Variants in PIDD1 observed in about 807,000 individuals in gnomAD.
The protein encoded by PIDD1 is p53-induced death domain-containing protein 1.
Under a neutral mutation model 80.0 loss-of-function variants are expected in PIDD1, and 72 were observed. The ratio of observed to expected loss-of-function variants is 0.90; its 90% CI spans 0.74 to 1.09. The LOEUF is 1.09. Among genes scored for constraint, PIDD1 ranks in the 50% least tolerant of loss-of-function variants. The pLI is 0.00. For synonymous variants in PIDD1, 655 were observed against 543.5 expected, an observed-to-expected ratio of 1.21 and a Z score of -2.85; for missense variants, 1,329 against 1,228.3, an observed-to-expected ratio of 1.08 and a Z score of -1.23.
chr11:800,943 C>T (rs767431908), intron 10 of PIDD1, 31 bp from the exon 11 acceptor site: 13 of 1,596,724 alleles, frequency 8.1e-6, no homozygotes, highest in African/African-American at 4.0e-5. Flanking sequence ...GAGGGCTGTA[C>T]AGACTGGGGG....
In PIDD1 at chr11:799,537, T is replaced by C. The variant is rs758394277; in HGVS notation, c.2503A>G (p.Met835Val). The C allele has an allele frequency of 1.9e-6, 3 of 1,603,058 alleles. No individual in the cohort carries two copies. Among genetic ancestry groups the C allele is most frequent in the East Asian group, 2.2e-5 (1 of 44,864 alleles). ...RDDLDEQIRH[M>V]LFSWAERQAG... ...TGGCGCTCAGCCCAGGAGAAGAGCA[T>C]GTGACGGATCTGCTCATCCAGATCA... Residue 835 changes from methionine (M) to valine (V), a missense_variant, in exon 16 of 16, where the codon ATG (methionine) becomes GTG (valine). Coordinates refer to ENST00000347755, the MANE Select transcript of PIDD1 (RefSeq NM_145886.4).
intron 1 of PIDD1, 35 bp from the exon 2 acceptor site, chr11:804,498 G>C: frequency 6.9e-7 from 1 of 1,452,742 alleles, no homozygotes; most frequent in Admixed American, 2.7e-5. Context: ...GCGGGAGCCG[G>C]GGTGGGCCCT....
Position 799,816 on chromosome 11 carries a change from G to A in PIDD1, c.2473C>T (p.Arg825Trp), listed in dbSNP as rs1385272293. The A allele has an allele frequency of 1.3e-5, 20 of 1,571,544 alleles. No individual in the cohort carries two copies. The highest frequency in any genetic ancestry group is 2.3e-5 in the South Asian group (2 of 87,000). ...REVQRIRHEF[R>W]DDLDEQIRHM... is the part of the protein sequence containing the mutation. The stretch of plus-strand genomic sequence containing the variant: ...GCCAGCGGGCAGTGGGAGCCTCACC[G>A]GAACTCGTGCCGGATGCGCTGCACC... Residue 825 changes from arginine to tryptophan, a missense_variant and splice_region_variant, in exon 15 of 16, where the codon CGG becomes TGG. Physicochemically the swap from Arg to Trp is moderately radical, Grantham distance 101. Transcript: ENST00000347755.
upstream of PIDD1, chr11:809,301 C>T (rs1381199831): frequency 6.6e-6 from 1 of 152,296 alleles, no homozygotes; most frequent in Non-Finnish European, 1.5e-5. Context: ...ACGTCATTGT[C>T]CTGCCCTCCA....
At position 801,359 on chromosome 11, in the gene PIDD1, G is replaced by A. The variant is rs369252804; in HGVS notation, c.1489C>T (p.Arg497Cys). The A allele has an allele frequency of 1.3e-4, 206 of 1,608,856 alleles. No individual in the cohort carries two copies. The highest frequency in any genetic ancestry group is 1.6e-4 in the Non-Finnish European group (187 of 1,177,954). The part of the protein sequence containing the change: ...EPRRVSMQVV[R>C]MAGRELQALL... ...GCCTGCAGCTCTCGGCCAGCCATGC[G>A]CACCACCTGGGGCAGACAGGCCCCC... Residue 497 changes from arginine (R) to cysteine (C), a missense_variant, in exon 9 of 16, where the codon CGC becomes TGC. By Grantham distance (180) the Arg-to-Cys change is radical. Coordinates refer to ENST00000347755, the MANE Select transcript of PIDD1 (RefSeq NM_145886.4).
At chr11:807,544 G>A (rs1423546600), upstream of PIDD1, among the ~76,000 whole-genome samples, 9 of 152,002 alleles carry the variant, frequency 5.9e-5, no homozygotes, top group African/African-American at 1.2e-4. Context: ...TTGGGAGGCC[G>A]AGGAGGGTAG....
rs1554969641 is a variant in PIDD1 at position 801,631 on chromosome 11, T to TA, written c.1303-8_1303-7insT. 3 of 1,548,034 alleles carry TA rather than the reference T, an allele frequency of 1.9e-6. No individual in the cohort carries two copies. The highest frequency in any genetic ancestry group is 2.6e-6 in the Non-Finnish European group (3 of 1,145,622). Reference sequence around the variant, plus strand: ...GGCAGTGAGCCCAGAGCCGCTGGGATGGGGGAGAGAGGAGGTCACAGGAGC... The same window carrying TA: ...GGCAGTGAGCCCAGAGCCGCTGGGATAGGGGGAGAGAGGAGGTCACAGGAGC... On this transcript the variant is annotated splice_region_variant and splice_polypyrimidine_tract_variant and intron_variant, in intron 7 of 15. Coordinates refer to ENST00000347755, the MANE Select transcript of PIDD1 (RefSeq NM_145886.4).
chr11:802,397 C>G lies in PIDD1; in HGVS notation c.975-1G>C. The G allele has an allele frequency of 1.2e-6, 2 of 1,611,898 alleles. No homozygotes were observed. Among genetic ancestry groups the G allele is most frequent in the South Asian group, 1.1e-5 (1 of 91,054 alleles). ...GCAGCCTTGAGGGGTCACAGGAAAGCTGAGTGAGGAAGGAGCGAGCAACAG... is the reference window on the plus strand; with the variant it reads ...GCAGCCTTGAGGGGTCACAGGAAAGGTGAGTGAGGAAGGAGCGAGCAACAG... On this transcript the variant is annotated splice_acceptor_variant, in intron 5 of 15. Coordinates refer to ENST00000347755, the MANE Select transcript of PIDD1 (RefSeq NM_145886.4). LOFTEE classifies it high-confidence loss of function.
upstream of PIDD1, among the ~76,000 whole-genome samples, chr11:806,491 C>T (rs1865778466): frequency 6.6e-6 from 1 of 152,178 alleles, no homozygotes; most frequent in South Asian, 2.1e-4. Context: ...TTCCCAGCTA[C>T]CACCATCCCT....
rs1865586905 is a variant in PIDD1, at chr11:803,970, A to G, written c.295+124T>C. 3 of 1,074,518 alleles carry G rather than the reference A, an allele frequency of 2.8e-6. No homozygotes were observed. In the South Asian group the frequency reaches 4.9e-5, roughly 17 times the overall value. 66.6% of individuals were successfully genotyped at this position (1,074,518 alleles called of 1,614,324 possible). ...CAGGACCAAGAGCAGAACAGTTCAC[A>G]CCTGGGGAGCCGGGAGGGGCGGCCT... On this transcript the variant is annotated intron_variant, in intron 2 of 15. Transcript: ENST00000347755.
upstream of PIDD1, chr11:809,452 G>C (rs1865940430): frequency 6.6e-6 from 1 of 152,260 alleles, no homozygotes; most frequent in Non-Finnish European, 1.5e-5. Context: ...CGGTCGCCGC[G>C]GCCAGGGAAC....
At position 805,206 on chromosome 11, in the gene PIDD1, G is replaced by T. The variant is rs60508304; in HGVS notation, c.-103C>A. ...GCGCTGCAGGCGGCGCGCAAAGGGT[G>T]GCTGCTCAGCGGGCGCTCGGCGCCT... is the stretch of plus-strand genomic sequence containing the variant. On this transcript the variant is annotated 5_prime_UTR_variant, in exon 1 of 16. Transcript: ENST00000347755. 5,826 of 983,222 alleles carry T rather than the reference G, an allele frequency of 5.9e-3. 271 individuals carry two copies. In the African/African-American group the frequency reaches 0.094, roughly 16 times the overall value. 60.9% of individuals were successfully genotyped at this position (983,222 alleles called of 1,614,324 possible).
upstream of PIDD1, chr11:805,976 G>T (rs529818255): frequency 6.6e-6 from 1 of 152,074 alleles, no homozygotes; most frequent in Non-Finnish European, 1.5e-5. Flanking sequence ...ATGCGCGCCT[G>T]TAGTCCCAGC....
chr11:808,878 A>G (rs1865916498), upstream of PIDD1, among the ~76,000 whole-genome samples: 1 of 152,202 alleles, frequency 6.6e-6, no homozygotes, highest in African/African-American at 2.4e-5. Context: ...TGACGTATAC[A>G]CACCCCAGGG....
Position 801,631 on chromosome 11 carries a change from TG to T in PIDD1, c.1303-8del. 5 of 1,548,020 alleles carry T rather than the reference TG, an allele frequency of 3.2e-6. No homozygotes were observed. Among genetic ancestry groups the T allele is most frequent in the Non-Finnish European group, 4.4e-6 (5 of 1,145,558 alleles). On this transcript the variant is annotated splice_region_variant and splice_polypyrimidine_tract_variant and intron_variant, in intron 7 of 15. Transcript: ENST00000347755. Reference sequence around the variant, plus strand: ...GGCAGTGAGCCCAGAGCCGCTGGGATGGGGGAGAGAGGAGGTCACAGGAGCC... The same window carrying T: ...GGCAGTGAGCCCAGAGCCGCTGGGATGGGGAGAGAGGAGGTCACAGGAGCC...
intron 7 of PIDD1, 123 bp downstream of exon 7, chr11:801,842 G>A (rs1865363436): frequency 1.5e-6 from 2 of 1,338,096 alleles, no homozygotes. Context: ...CAGGGACATA[G>A]GGAAGCAGGA....
At chr11:808,365 T>C (rs1176067412), upstream of PIDD1, among the ~76,000 whole-genome samples, 1 of 151,740 alleles carries the variant, frequency 6.6e-6, no homozygotes, top group African/African-American at 2.4e-5. Context: ...AGGCAGAGGT[T>C]GCAGTGAGCC....
At chr11:803,739 G>A (rs1265385005) in intron 2 of PIDD1, 152 bp from the exon 3 acceptor site, 4 of 881,718 alleles carry the variant, frequency 4.5e-6, no homozygotes, top group Non-Finnish European at 6.8e-6. Flanking sequence ...AGAAACACTG[G>A]AGAGGTGCCC....
Position 800,551 on chromosome 11 carries a change from A to C in PIDD1, c.2033T>G (p.Val678Gly), listed in dbSNP as rs1280417732. The C allele has an allele frequency of 3.9e-6, 6 of 1,525,748 alleles. No individual in the cohort carries two copies. The highest frequency in any genetic ancestry group is 4.5e-6 in the Non-Finnish European group (5 of 1,120,090). The allele number at this position is 1,525,748 out of a possible 1,614,324, so 94.5% of individuals were successfully genotyped here. A position where few individuals can be genotyped will look rare whatever the true frequency, so the allele number is the denominator to read the frequency against. Residue 678 changes from valine to glycine, a missense_variant, in exon 12 of 16, where the codon GTG becomes GGG. Val to Gly is a moderately radical substitution (Grantham distance 109). Transcript: ENST00000347755. ...FFAAFERGID[V>G]DADRPDCVEG... ...TCCACCAGCATCCCTACCAGCATCC[A>C]CGTCGATGCCGCGCTCGAAGGCCGC...
Sources: allele counts gnomAD v4.1 joint callset (sites outside exome capture counted in the v4.1 genomes callset), GRCh38; gene constraint gnomAD v4.1.1; transcripts MANE v1.5; gene names NCBI Gene and HGNC (gene_info 2026-07-23, HGNC 2026-07-21).